Variants in DPP9 observed in about 807,000 individuals in gnomAD.
DPP9 encodes dipeptidyl peptidase 9, also known as dipeptidyl peptidase IV-related protein-2.
In DPP9, 50 loss-of-function variants were observed where a neutral mutation model predicts 110.7. The ratio of observed to expected loss-of-function variants is 0.45; its 90% confidence interval spans 0.36 to 0.57. The LOEUF (loss-of-function observed/expected upper bound fraction) is 0.57. Ranked by LOEUF, DPP9 falls within the 20% of genes least tolerant of loss-of-function variation. The pLI, the probability that DPP9 is intolerant of heterozygous loss-of-function variation, is 0.00. For missense variants in DPP9, 1,022 were observed against 1,217.9 expected, an observed-to-expected ratio of 0.84 and a Z score of 2.39; for synonymous variants, 561 against 514.4, an observed-to-expected ratio of 1.09 and a Z score of -1.23.
chr19:4,711,913 C>T (rs1162912459), intron 4 of DPP9, among the ~76,000 whole-genome samples: 1 of 152,098 alleles, frequency 6.6e-6, no homozygotes, highest in Admixed American at 6.6e-5. Context: ...TGCTGGCCGC[C>T]ACCAGAAGCT....
intron 14 of DPP9, among the ~76,000 whole-genome samples, chr19:4,690,307 T>A (rs972209433): frequency 1.3e-5 from 2 of 152,214 alleles, no homozygotes; most frequent in African/African-American, 2.4e-5. Context: ...AGGCTTTGGC[T>A]GATGCCTGGA....
At chr19:4,714,613 A>G (rs2092988914) in intron 3 of DPP9, among the ~76,000 whole-genome samples, 1 of 151,948 alleles carries the variant, frequency 6.6e-6, no homozygotes, top group South Asian at 2.1e-4. Context: ...GCTGGTCTCA[A>G]ACTCCTGGCC....
At position 4,702,614 on chromosome 19, in the gene DPP9, G is replaced by C. The variant is rs991084301; in HGVS notation, c.872C>G (p.Ala291Gly). 2.5e-6 allele frequency: 4 copies of C among 1,598,760 alleles called. No homozygotes were observed. In the African/African-American group the frequency reaches 5.4e-5, roughly 22 times the overall value. Residue 291 changes from alanine (A) to glycine (G), a missense_variant, in exon 8 of 22, where the codon GCC (alanine) becomes GGC (glycine). Around this residue, in one of 3 missense-constraint regions of DPP9, gnomAD observed 810 missense variants for 920.6 expected, o/e 0.88. Coordinates refer to ENST00000262960, the MANE Select transcript of DPP9 (RefSeq NM_139159.5). ...RFTGYWWCPT[A>G]SWEGSEGLKT... ...TGGAAGGGACCTACCTTCCCAGGAGGCTGTGGGGCACCACCAGTACCCAGT... is the reference window on the plus strand; with the variant it reads ...TGGAAGGGACCTACCTTCCCAGGAGCCTGTGGGGCACCACCAGTACCCAGT...
chr19:4,680,656 TAAA>T (rs531015203), intron 20 of DPP9, among the ~76,000 whole-genome samples: 8 of 127,344 alleles, frequency 6.3e-5, no homozygotes, highest in Admixed American at 1.7e-4. Context: ...GAGCTATGAT[TAAA>T]AAAAAAAAAA....
chr19:4,713,783 G>C (rs972837935), intron 4 of DPP9, among the ~76,000 whole-genome samples: 1 of 152,142 alleles, frequency 6.6e-6, no homozygotes, highest in African/African-American at 2.4e-5. Context: ...AACAATCTCC[G>C]GGCTTGGAGC....
rs1205164502 is a variant in DPP9 at position 4,700,333 on chromosome 19, AGCCGGCACGGG to A, written c.1013-67_1013-57del. 8.1e-6 allele frequency: 12 copies of A among 1,476,516 alleles called. No individual in the cohort carries two copies. Among genetic ancestry groups the A allele is most frequent in the African/African-American group, 1.4e-5 (1 of 71,992 alleles). 91.5% of individuals were successfully genotyped at this position (1,476,516 alleles called of 1,614,324 possible). A position where few individuals can be genotyped will look rare whatever the true frequency, so the allele number is the denominator to read the frequency against. ...GCAGGCATCACCCGTGTGTGCCGAG[AGCCGGCACGGG>A]GGGCCTGGGCTGTGGGGTGACGTCC... On this transcript the variant is annotated intron_variant, in intron 9 of 21. Transcript: ENST00000262960. The surrounding 1 kb of genome is among the most constrained non-coding windows in gnomAD (Gnocchi z 4.3).
intron 3 of DPP9, among the ~76,000 whole-genome samples, chr19:4,715,019 C>CT (rs59314200): frequency 0.33 from 22,739 of 68,508 alleles, 7,853 homozygotes; most frequent in South Asian, 0.48. Context: ...TATATATATA[C>CT]TTTTTTTTTT....
rs2090825701 is a variant in DPP9, at chr19:4,687,107, A to G, written c.1886-1336T>C. On this transcript the variant is annotated intron_variant, in intron 16 of 21. Coordinates refer to ENST00000262960, the MANE Select transcript of DPP9 (RefSeq NM_139159.5). The surrounding 1 kb of genome is among the most constrained non-coding windows in gnomAD (Gnocchi z 4.7). ...CTGAGCCCCTTCCCCTCCCTGACCC[A>G]TCTCCTCATCTGAAGCCAGGGCTCC... Among the ~76,000 whole-genome samples the G allele has an allele frequency of 6.6e-6, 1 of 152,096 alleles. No homozygotes were observed. The highest frequency in any genetic ancestry group is 1.5e-5 in the Non-Finnish European group (1 of 68,012).
At chr19:4,686,448 T>A (rs1445297028) in intron 16 of DPP9, among the ~76,000 whole-genome samples, 1 of 151,886 alleles carries the variant, frequency 6.6e-6, no homozygotes, top group African/African-American at 2.4e-5. Context: ...TCTTCCCAAG[T>A]AGCTGGGATT....
chr19:4,703,000 C>T (rs2092380459), intron 7 of DPP9, among the ~76,000 whole-genome samples: 1 of 151,878 alleles, frequency 6.6e-6, no homozygotes, highest in Admixed American at 6.6e-5. Flanking sequence ...GGCCTCCACT[C>T]ACCCCATGGC....
chr19:4,694,284 C>A lies in DPP9; in HGVS notation c.1516+377G>T, dbSNP rs547217411. ...CTGCTGGGACTACCCAGTTCTGCTGCTGCAGCACAAAAGCGACCACAGACA... is the reference window on the plus strand; with the variant it reads ...CTGCTGGGACTACCCAGTTCTGCTGATGCAGCACAAAAGCGACCACAGACA... On this transcript the variant is annotated intron_variant, in intron 13 of 21. Coordinates refer to ENST00000262960, the MANE Select transcript of DPP9 (RefSeq NM_139159.5). The surrounding 1 kb of genome is among the most constrained non-coding windows in gnomAD (Gnocchi z 4.0). 2 of 389,256 alleles carry A rather than the reference C, an allele frequency of 5.1e-6. No individual in the cohort carries two copies. The highest frequency in any genetic ancestry group is 8.4e-5 in the Admixed American group (2 of 23,736). The allele number at this position is 389,256 out of a possible 1,614,324, so 24.1% of individuals were successfully genotyped here. A position where few individuals can be genotyped will look rare whatever the true frequency, so the allele number is the denominator to read the frequency against.
chr19:4,710,690 GT>G lies in DPP9; in HGVS notation c.313+3390del, dbSNP rs1568329225. Among the ~76,000 whole-genome samples the G allele has an allele frequency of 6.6e-6, 1 of 152,210 alleles. No individual in the cohort carries two copies. Among genetic ancestry groups the G allele is most frequent in the Admixed American group, 6.5e-5 (1 of 15,286 alleles). On this transcript the variant is annotated intron_variant, in intron 4 of 21. Coordinates refer to ENST00000262960, the MANE Select transcript of DPP9 (RefSeq NM_139159.5). This position sits in a 1 kb window ranked among gnomAD's most constrained non-coding sequence, Gnocchi z 5.6. ...GCCTTGAAGTCTGGACACTGGGCTA[GT>G]GCTAAGAAGTGTTATTATTACTCAG...
chr19:4,685,399 G>A lies in DPP9; in HGVS notation c.2031+227C>T. The stretch of plus-strand genomic sequence containing the variant: ...AGAGTCAGCAGGCGGAGGGGGAAGG[G>A]GAGGCCATCCAGGAAGGGCGGGGAG... On this transcript the variant is annotated intron_variant, in intron 17 of 21. Coordinates refer to ENST00000262960, the MANE Select transcript of DPP9 (RefSeq NM_139159.5). The surrounding 1 kb of genome is among the most constrained non-coding windows in gnomAD (Gnocchi z 5.8). 1 of 672,360 alleles carries A rather than the reference G, an allele frequency of 1.5e-6. No individual in the cohort carries two copies. The allele number at this position is 672,360 out of a possible 1,614,324, so 41.6% of individuals were successfully genotyped here. A position where few individuals can be genotyped will look rare whatever the true frequency, so the allele number is the denominator to read the frequency against.
Position 4,704,777 on chromosome 19 carries a change from G to T in DPP9, c.427-473C>A, listed in dbSNP as rs1205045506. Among the ~76,000 whole-genome samples the T allele has an allele frequency of 6.6e-6, 1 of 152,186 alleles. No homozygotes were observed. Among genetic ancestry groups the T allele is most frequent in the East Asian group, 1.9e-4 (1 of 5,196 alleles). Reference sequence around the variant, plus strand: ...GCACTTTGGGAGGCCGAGGTGGGCAGATCACGAGGTCAGAAATTCGAGACC... The same window carrying T: ...GCACTTTGGGAGGCCGAGGTGGGCATATCACGAGGTCAGAAATTCGAGACC... On this transcript the variant is annotated intron_variant, in intron 5 of 21. Coordinates refer to ENST00000262960, the MANE Select transcript of DPP9 (RefSeq NM_139159.5). The surrounding 1 kb of genome is among the most constrained non-coding windows in gnomAD (Gnocchi z 6.0).
At chr19:4,703,028 G>A (rs536306401) in intron 7 of DPP9, among the ~76,000 whole-genome samples, 20 of 151,816 alleles carry the variant, frequency 1.3e-4, no homozygotes, top group African/African-American at 3.9e-4. Flanking sequence ...GAGCACCCCC[G>A]CCCAAGTGTG....
In DPP9 at chr19:4,685,079, G is replaced by A. The variant is rs1206729482; in HGVS notation, c.2032-270C>T. The A allele has an allele frequency of 1.6e-6, 1 of 636,830 alleles. No individual in the cohort carries two copies. Among genetic ancestry groups the A allele is most frequent in the African/African-American group, 1.8e-5 (1 of 55,910 alleles). The allele number at this position is 636,830 out of a possible 1,614,324, so 39.4% of individuals were successfully genotyped here. A position where few individuals can be genotyped will look rare whatever the true frequency, so the allele number is the denominator to read the frequency against. ...CAGTCCTGCCTGGAACAACTACTCT[G>A]GCATGATGGACATTGGGGTGGCTCC... On this transcript the variant is annotated intron_variant, in intron 17 of 21. Coordinates refer to ENST00000262960, the MANE Select transcript of DPP9 (RefSeq NM_139159.5). This position sits in a 1 kb window ranked among gnomAD's most constrained non-coding sequence, Gnocchi z 5.8.
At chr19:4,705,494 C>T (rs2092537931) in intron 5 of DPP9, among the ~76,000 whole-genome samples, 2 of 152,216 alleles carry the variant, frequency 1.3e-5, no homozygotes, top group South Asian at 4.1e-4. Context: ...TCATCAAACA[C>T]AAAAACACGC....
At chr19:4,678,978 C>T (rs2089336884) in intron 21 of DPP9, among the ~76,000 whole-genome samples, 1 of 152,206 alleles carries the variant, frequency 6.6e-6, no homozygotes, top group African/African-American at 2.4e-5. Flanking sequence ...CGAGTCACCT[C>T]CCACCACCCT....
At chr19:4,690,984 A>C in intron 13 of DPP9, 27 bp from the exon 14 acceptor site, 1 of 1,587,912 alleles carries the variant, frequency 6.3e-7, no homozygotes, top group South Asian at 1.1e-5. Context: ...AAGGGAGGTG[A>C]AGGGGCCTGG....
Sources: allele counts gnomAD v4.1 joint callset (sites outside exome capture counted in the v4.1 genomes callset), GRCh38; gene constraint gnomAD v4.1.1; regional missense constraint gnomAD v4.1.1; non-coding constraint Gnocchi (gnomAD v3.1); transcripts MANE v1.5; gene names NCBI Gene and HGNC (gene_info 2026-07-23, HGNC 2026-07-21).